NUP155: variants seen among roughly 807,000 people sequenced by gnomAD.
The protein encoded by NUP155 is nucleoporin 155, also known as nuclear pore complex protein Nup155.
Under a neutral mutation model 180.4 loss-of-function variants are expected in NUP155, and 71 were observed. That is an observed-to-expected ratio of 0.39 (90% CI 0.33 to 0.48). The LOEUF is 0.48. Among genes scored for constraint, NUP155 ranks in the 20% least tolerant of loss-of-function variants. The probability of loss-of-function intolerance (pLI) is 0.91; values close to 1 mark genes in which losing one functional copy is unlikely to be tolerated. For missense variants in NUP155, 1,553 were observed against 1,648.9 expected (o/e 0.94, Z 1.01); for synonymous variants, 582 against 559.5 (o/e 1.04, Z -0.57).
In NUP155 at chr5:37,299,551, A is replaced by G; in HGVS notation, c.3579T>C (p.Ala1193=). The G allele has an allele frequency of 3.7e-6, 6 of 1,614,136 alleles. No individual in the cohort carries two copies. Among genetic ancestry groups the G allele is most frequent in the Non-Finnish European group, 5.1e-6 (6 of 1,179,982 alleles). The change falls in exon 31 of 35, where the codon GCT becomes GCC. Residue 1193 remains alanine (A), a synonymous_variant. Transcript: ENST00000231498. ...MDITKLYGEF[A]DPFKLAECKL... ...TGCACTCTGCAAGTTTAAATGGGTC[A>G]GCAAATTCCCCATAAAGCTGTGAGA...
At chr5:37,322,685 C>T (rs562318844) in intron 20 of NUP155, among the ~76,000 whole-genome samples, 4 of 143,626 alleles carry the variant, frequency 2.8e-5, no homozygotes, top group Admixed American at 7.1e-5. Flanking sequence ...CCAGGCTGGG[C>T]GACAGAGCGA....
At chr5:37,334,288 G>A (rs1290158429) in intron 12 of NUP155, among the ~76,000 whole-genome samples, 2 of 151,944 alleles carry the variant, frequency 1.3e-5, no homozygotes, top group Non-Finnish European at 2.9e-5. Context: ...TGTTTTGTAT[G>A]AACAGGGTTT....
chr5:37,348,737 G>A, intron 8 of NUP155, 141 bp from the exon 9 acceptor site: 1 of 675,698 alleles, frequency 1.5e-6, no homozygotes, highest in Admixed American at 2.4e-5. Context: ...CATAGAAAGG[G>A]GACCCTTCTG....
At chr5:37,336,609 A>G (rs216377) in intron 12 of NUP155, among the ~76,000 whole-genome samples, 49,014 of 151,796 alleles carry the variant, frequency 0.32, 12,353 homozygotes, top group African/African-American at 0.71. Context: ...CATGTCCTCC[A>G]CTCCCCCAAC....
intron 8 of NUP155, 138 bp from the exon 9 acceptor site, chr5:37,348,734 AG>A (rs1746265910): frequency 4.4e-6 from 3 of 679,166 alleles, no homozygotes. Context: ...TTTCATAGAA[AG>A]GGGACCCTTC....
chr5:37,310,895 G>A (rs951494538), intron 22 of NUP155, 152 bp from the exon 23 acceptor site: 106 of 599,052 alleles, frequency 1.8e-4, no homozygotes, highest in African/African-American at 1.6e-3. Flanking sequence ...AAATTTTTGC[G>A]AACTTACATA....
chr5:37,341,221 G>A lies in NUP155; in HGVS notation c.1115C>T (p.Thr372Ile). 6.2e-7 allele frequency: 1 copy of A among 1,613,982 alleles called. No individual in the cohort carries two copies. The highest frequency in any genetic ancestry group is 8.5e-7 in the Non-Finnish European group (1 of 1,179,870). The change falls in exon 11 of 35, where the codon ACT (threonine) becomes ATT (isoleucine). Residue 372 changes from threonine to isoleucine, a missense_variant. Coordinates refer to ENST00000231498, the MANE Select transcript of NUP155 (RefSeq NM_153485.3). ...THAGVRLYFSTCPFRQPLARP... is the reference protein window; with the variant it reads ...THAGVRLYFSICPFRQPLARP... ...TGCTAATGGCTGTCTGAATGGACAA[G>A]TGCTAAAATATAACCTAACACCTGA... is the stretch of plus-strand genomic sequence containing the variant.
Position 37,368,209 on chromosome 5 carries a change from CTTTTTTTT to C in NUP155, c.157+2604_157+2611del, listed in dbSNP as rs58198308. Among the ~76,000 whole-genome samples, 134 of 52,862 alleles carry C rather than the reference CTTTTTTTT, an allele frequency of 2.5e-3. 1 individual carries two copies. The highest frequency in any genetic ancestry group is 0.016 in the Middle Eastern group (1 of 62). 34.7% of individuals were successfully genotyped at this position (52,862 alleles called of 152,430 possible). A position where few individuals can be genotyped will look rare whatever the true frequency, so the allele number is the denominator to read the frequency against. The stretch of plus-strand genomic sequence containing the variant: ...ACAGGCATGAGGCACAGCGCCAGGC[CTTTTTTTT>C]TTTTTTTTTTTTTTTTTTTTGAGAC... On this transcript the variant is annotated intron_variant, in intron 1 of 34. Transcript: ENST00000231498.
intron 9 of NUP155, among the ~76,000 whole-genome samples, chr5:37,346,597 G>A (rs1275834854): frequency 6.6e-6 from 1 of 151,964 alleles, no homozygotes; most frequent in Non-Finnish European, 1.5e-5. Context: ...GCTTGAACCC[G>A]GGAGGTGGAG....
intron 2 of NUP155, 54 bp downstream of exon 2, chr5:37,364,193 A>AAG: frequency 4.3e-6 from 6 of 1,380,964 alleles, no homozygotes; most frequent in Non-Finnish European, 6.1e-6. Context: ...GAATTATAAG[A>AAG]ATGAAAAATA....
intron 1 of NUP155, among the ~76,000 whole-genome samples, chr5:37,364,947 A>C (rs1318396810): frequency 6.6e-6 from 1 of 151,638 alleles, no homozygotes; most frequent in African/African-American, 2.4e-5. Flanking sequence ...GAAATGTTTA[A>C]ATTTGATAAT....
At chr5:37,351,591 C>T (rs777386486) in intron 5 of NUP155, among the ~76,000 whole-genome samples, 2 of 151,764 alleles carry the variant, frequency 1.3e-5, no homozygotes, top group Admixed American at 6.6e-5. Context: ...GGACTACAGG[C>T]GCCCGCCACC....
intron 17 of NUP155, 35 bp downstream of exon 17, chr5:37,328,323 A>G: frequency 6.7e-7 from 1 of 1,500,446 alleles, no homozygotes; most frequent in Non-Finnish European, 9.3e-7. Flanking sequence ...TAGCACTTCA[A>G]AATGAATCCA....
chr5:37,313,443 A>G (rs1309760169), intron 22 of NUP155, among the ~76,000 whole-genome samples: 7 of 150,120 alleles, frequency 4.7e-5, no homozygotes, highest in African/African-American at 1.7e-4. Context: ...AAAAAAAAAG[A>G]AAACATAAAA....
At chr5:37,356,896 T>C (rs978083430) in intron 4 of NUP155, among the ~76,000 whole-genome samples, 2 of 151,978 alleles carry the variant, frequency 1.3e-5, no homozygotes, top group African/African-American at 2.4e-5. Context: ...TCACCTGAGG[T>C]CAACAGTTCA....
intron 12 of NUP155, among the ~76,000 whole-genome samples, chr5:37,336,262 C>T (rs976488184): frequency 2.0e-5 from 3 of 152,096 alleles, no homozygotes; most frequent in Non-Finnish European, 4.4e-5. Context: ...GGGAGGATCG[C>T]TTGAGCCCAG....
At position 37,370,973 on chromosome 5, in the gene NUP155, G is replaced by C; in HGVS notation, c.5C>G (p.Pro2Arg). The C allele has an allele frequency of 6.2e-7, 1 of 1,613,810 alleles. No individual in the cohort carries two copies. The highest frequency in any genetic ancestry group is 8.5e-7 in the Non-Finnish European group (1 of 1,179,990). The change falls in exon 1 of 35, where the codon CCG (proline) becomes CGG (arginine). Residue 2 changes from proline (P) to arginine (R), a missense_variant. Transcript: ENST00000231498. Reference protein sequence around the residue: MPSSLLGAAMPA... With the variant: MRSSLLGAAMPA... ...CATCGCCGCGCCCAACAAAGAAGACGGCATCTCGGAAATCGTAGACACCAG... is the reference window on the plus strand; with the variant it reads ...CATCGCCGCGCCCAACAAAGAAGACCGCATCTCGGAAATCGTAGACACCAG...
In NUP155 at chr5:37,291,987, C is replaced by A; in HGVS notation, c.4089G>T (p.Glu1363Asp). 6.2e-7 allele frequency: 1 copy of A among 1,614,028 alleles called. No individual in the cohort carries two copies. Among genetic ancestry groups the A allele is most frequent in the Middle Eastern group, 1.6e-4 (1 of 6,062 alleles). Residue 1363 changes from glutamate to aspartate, a missense_variant, in exon 35 of 35, where the codon GAG becomes GAT. Physicochemically the swap from Glu to Asp is conservative, Grantham distance 45. Transcript: ENST00000231498. ...CLDAVCGYLVELQSMSSSVAV... is the reference protein window; with the variant it reads ...CLDAVCGYLVDLQSMSSSVAV... ...CTACTGACGAGCTCATAGACTGGAGCTCAACAAGGTAACCACAAACAGCAT... is the reference window on the plus strand; with the variant it reads ...CTACTGACGAGCTCATAGACTGGAGATCAACAAGGTAACCACAAACAGCAT...
intron 11 of NUP155, among the ~76,000 whole-genome samples, chr5:37,340,529 C>T (rs1400240496): frequency 6.6e-6 from 1 of 151,956 alleles, no homozygotes; most frequent in Non-Finnish European, 1.5e-5. Context: ...GACTGTGCTA[C>T]TGACATAAGG....
Sources: allele counts gnomAD v4.1 joint callset (sites outside exome capture counted in the v4.1 genomes callset), GRCh38; gene constraint gnomAD v4.1.1; transcripts MANE v1.5; gene names NCBI Gene and HGNC (gene_info 2026-07-23, HGNC 2026-07-21).